The following SYN3 variants were observed in gnomAD, a reference collection of about 807,000 sequenced individuals.
SYN3 encodes the protein synapsin III.
In SYN3, 35 loss-of-function variants were observed where a neutral mutation model predicts 65.8. The ratio of observed to expected loss-of-function variants is 0.53; its 90% CI spans 0.41 to 0.70. The LOEUF (loss-of-function observed/expected upper bound fraction) is 0.70, where lower values mean the gene tolerates loss of function less well. SYN3 is among the 30% of genes least tolerant of loss of function. The pLI, the probability that SYN3 is intolerant of heterozygous loss-of-function variation, is 0.00. For synonymous variants in SYN3, 270 were observed against 292.9 expected (o/e 0.92, Z 0.80); for missense variants, 680 against 749.0 (o/e 0.91, Z 1.08).
chr22:32,702,833 C>G (rs2060828031), intron 6 of SYN3, among the ~76,000 whole-genome samples: 1 of 152,022 alleles, frequency 6.6e-6, no homozygotes, highest in African/African-American at 2.4e-5. Flanking sequence ...TTATCAAAAT[C>G]GAATTTAAAG....
At chr22:32,576,635 C>T (rs567823854) in intron 7 of SYN3, among the ~76,000 whole-genome samples, 1 of 152,100 alleles carries the variant, frequency 6.6e-6, no homozygotes, top group South Asian at 2.1e-4. Flanking sequence ...GTTCTTTTCC[C>T]GCCTGGCACA....
intron 6 of SYN3, among the ~76,000 whole-genome samples, chr22:32,843,136 A>G (rs1023867453): frequency 6.6e-6 from 1 of 151,792 alleles, no homozygotes; most frequent in Non-Finnish European, 1.5e-5. Flanking sequence ...CCTGATCCTC[A>G]TTGTCCACAG....
At chr22:32,783,523 G>C (rs115340508) in intron 6 of SYN3, among the ~76,000 whole-genome samples, 4 of 152,172 alleles carry the variant, frequency 2.6e-5, no homozygotes, top group Non-Finnish European at 5.9e-5. Context: ...CCAGCCTTGA[G>C]ATTGCTAGTT....
At chr22:32,745,172 C>G (rs1250426296) in intron 6 of SYN3, among the ~76,000 whole-genome samples, 2 of 152,176 alleles carry the variant, frequency 1.3e-5, no homozygotes, top group Admixed American at 6.5e-5. Flanking sequence ...GGGTCTCTCT[C>G]TCTCTAAACT....
chr22:33,016,293 A>C (rs2053466063), intron 1 of SYN3, among the ~76,000 whole-genome samples: 1 of 152,198 alleles, frequency 6.6e-6, no homozygotes, highest in Admixed American at 6.5e-5. Context: ...TAGTTATAGA[A>C]ATAATAATAT....
intron 6 of SYN3, among the ~76,000 whole-genome samples, chr22:32,697,047 G>C (rs1261812295): frequency 6.6e-6 from 1 of 152,226 alleles, no homozygotes; most frequent in African/African-American, 2.4e-5. Context: ...AAGGTAGCCA[G>C]CTGCCCTATC....
intron 4 of SYN3, among the ~76,000 whole-genome samples, chr22:32,872,552 T>C (rs908653720): frequency 1.3e-5 from 2 of 152,198 alleles, no homozygotes; most frequent in Non-Finnish European, 2.9e-5. Flanking sequence ...GCACTTCCTA[T>C]GCACAATATA....
At chr22:32,805,238 T>G (rs899324941) in intron 6 of SYN3, among the ~76,000 whole-genome samples, 29 of 152,100 alleles carry the variant, frequency 1.9e-4, no homozygotes, top group Non-Finnish European at 3.8e-4. Flanking sequence ...GAGGCTCAGC[T>G]GGGGGGCCGG....
Position 33,025,566 on chromosome 22 carries a change from C to T in SYN3, c.-162-18742G>A, listed in dbSNP as rs184509377. On this transcript the variant is annotated intron_variant, in intron 1 of 13. Coordinates refer to ENST00000358763, the MANE Select transcript of SYN3 (RefSeq NM_003490.4). ...GGAGAATCGCTTGAACCTGGGATGC[C>T]GAGGCTGCAGTGAGCTGAGATCGCA... is the stretch of plus-strand genomic sequence containing the variant. Among the ~76,000 whole-genome samples the T allele has an allele frequency of 3.7e-3, 559 of 151,112 alleles. 3 individuals carry two copies. The highest frequency in any genetic ancestry group is 0.013 in the African/African-American group (528 of 41,124).
intron 3 of SYN3, among the ~76,000 whole-genome samples, chr22:32,978,281 CCA>C (rs1217745907): frequency 6.6e-6 from 1 of 151,778 alleles, no homozygotes; most frequent in Non-Finnish European, 1.5e-5. Context: ...TCAGCAGGGT[CCA>C]GTCATTGAAT....
At chr22:32,589,697 TAG>T (rs1298087212) in intron 7 of SYN3, among the ~76,000 whole-genome samples, 1 of 152,214 alleles carries the variant, frequency 6.6e-6, no homozygotes, top group Non-Finnish European at 1.5e-5. Context: ...CTATGCCCAC[TAG>T]ATGTTATGTA....
intron 6 of SYN3, among the ~76,000 whole-genome samples, chr22:32,617,670 A>G (rs2146726346): frequency 6.6e-6 from 1 of 152,218 alleles, no homozygotes; most frequent in Middle Eastern, 3.4e-3. Context: ...TCCTGCAAAT[A>G]GTGGGAAGCC....
intron 6 of SYN3, among the ~76,000 whole-genome samples, chr22:32,794,888 C>T (rs1218082921): frequency 1.3e-5 from 2 of 152,074 alleles, no homozygotes; most frequent in Admixed American, 6.5e-5. Flanking sequence ...ATATTGGTGG[C>T]GGCTAGATTC....
At position 32,701,773 on chromosome 22, in the gene SYN3, C is replaced by T. The variant is rs1240745369; in HGVS notation, c.712-105037G>A. On this transcript the variant is annotated intron_variant, in intron 6 of 13. Transcript: ENST00000358763. ...ACAAAACAAACAGTGCCGCAGTGAG[C>T]TGTGGAACAATAGCAAACAGTCTGA... is the stretch of plus-strand genomic sequence containing the variant. Among the ~76,000 whole-genome samples, 5 of 152,100 alleles carry T rather than the reference C, an allele frequency of 3.3e-5. No homozygotes were observed. The East Asian group carries it at 9.6e-4, about 29-fold the overall frequency.
At chr22:32,750,772 T>A (rs1486656022) in intron 6 of SYN3, among the ~76,000 whole-genome samples, 1 of 151,674 alleles carries the variant, frequency 6.6e-6, no homozygotes, top group African/African-American at 2.4e-5. Flanking sequence ...TTTGATTGGG[T>A]GTGAGGGTGG....
At chr22:33,013,588 A>G (rs73881935) in intron 1 of SYN3, among the ~76,000 whole-genome samples, 2,074 of 152,256 alleles carry the variant, frequency 0.014, 51 homozygotes, top group African/African-American at 0.047. Flanking sequence ...TCTTTTAGCA[A>G]TTTTGAAATA....
intron 6 of SYN3, among the ~76,000 whole-genome samples, chr22:32,694,399 AT>A (rs1280952376): frequency 6.6e-6 from 1 of 152,192 alleles, no homozygotes; most frequent in East Asian, 1.9e-4. Flanking sequence ...TTAGTTTGGT[AT>A]TTAAATGGAT....
chr22:33,004,227 T>C (rs965262503), intron 2 of SYN3, among the ~76,000 whole-genome samples: 1 of 152,200 alleles, frequency 6.6e-6, no homozygotes, highest in Non-Finnish European at 1.5e-5. Flanking sequence ...TGGCACTGCC[T>C]AGTGGAGCTG....
intron 1 of SYN3, among the ~76,000 whole-genome samples, chr22:33,030,878 T>C (rs917986191): frequency 1.7e-4 from 25 of 148,668 alleles, no homozygotes; most frequent in Admixed American, 1.5e-3. Context: ...TAGAGACAAA[T>C]AGACACAGAG....
Sources: allele counts gnomAD v4.1 joint callset (sites outside exome capture counted in the v4.1 genomes callset), GRCh38; gene constraint gnomAD v4.1.1; transcripts MANE v1.5; gene names NCBI Gene and HGNC (gene_info 2026-07-23, HGNC 2026-07-21).